The following SAMSN1 variants were observed in gnomAD, a reference collection of about 807,000 sequenced individuals.
SAMSN1 encodes the protein SAM domain, SH3 domain and nuclear localization signals 1, also known as SAM domain-containing protein SAMSN-1.
SAMSN1 carries 31 observed loss-of-function variants against 42.0 expected under a neutral mutation model. That is an observed-to-expected ratio of 0.74 (90% CI 0.55 to 1.00). The LOEUF (loss-of-function observed/expected upper bound fraction) is 1.00. Among genes scored for constraint, SAMSN1 ranks in the 50% least tolerant of loss-of-function variants. The probability of loss-of-function intolerance (pLI) is 0.00; values close to 1 mark genes in which losing one functional copy is unlikely to be tolerated. For missense variants in SAMSN1, 464 were observed against 439.4 expected, an observed-to-expected ratio of 1.06 and a Z score of -0.50; for synonymous variants, 178 against 151.9, an observed-to-expected ratio of 1.17 and a Z score of -1.26.
chr21:14,519,324 G>A (rs1333274626), intron 2 of SAMSN1, among the ~76,000 whole-genome samples: 1 of 152,020 alleles, frequency 6.6e-6, no homozygotes, highest in Admixed American at 6.5e-5. Flanking sequence ...CAAATTACTA[G>A]GCCACCATTA....
chr21:14,597,654 T>A (rs545320492), intron 6 of SAMSN1, among the ~76,000 whole-genome samples: 4 of 152,126 alleles, frequency 2.6e-5, no homozygotes, highest in Non-Finnish European at 5.9e-5. Flanking sequence ...TAACCAACAG[T>A]GGTGGCTTAA....
At chr21:14,637,636 A>T (rs1006247949) in intron 2 of SAMSN1, among the ~76,000 whole-genome samples, 2 of 152,160 alleles carry the variant, frequency 1.3e-5, no homozygotes, top group Non-Finnish European at 2.9e-5. Context: ...TTTGTGTATC[A>T]ACTCCCTTGT....
At chr21:14,557,492 T>C (rs1441716185) in intron 2 of SAMSN1, among the ~76,000 whole-genome samples, 1 of 152,198 alleles carries the variant, frequency 6.6e-6, no homozygotes, top group Non-Finnish European at 1.5e-5. Context: ...CCTGGGAACA[T>C]GTTCAACCCC....
chr21:14,650,901 T>C (rs1369599418), intron 1 of SAMSN1, among the ~76,000 whole-genome samples: 4 of 151,902 alleles, frequency 2.6e-5, no homozygotes, highest in African/African-American at 4.8e-5. Context: ...TGAGCAACTA[T>C]ATACCAATAT....
At chr21:14,593,302 A>G (rs1223776795) in intron 7 of SAMSN1, among the ~76,000 whole-genome samples, 2 of 152,104 alleles carry the variant, frequency 1.3e-5, no homozygotes, top group African/African-American at 2.4e-5. Context: ...TAAGTTGCAA[A>G]CATTAGCTTG....
At chr21:14,555,095 G>T (rs1980720081) in intron 2 of SAMSN1, among the ~76,000 whole-genome samples, 1 of 152,142 alleles carries the variant, frequency 6.6e-6, no homozygotes, top group Admixed American at 6.6e-5. Flanking sequence ...TCCATGCCCT[G>T]CTGGGCTGTG....
At chr21:14,609,793 T>G (rs1171176863) in intron 4 of SAMSN1, among the ~76,000 whole-genome samples, 1 of 152,190 alleles carries the variant, frequency 6.6e-6, no homozygotes, top group Non-Finnish European at 1.5e-5. Flanking sequence ...TCATGGACAT[T>G]TATTAGTTCC....
At chr21:14,625,397 A>G (rs995974813) in intron 2 of SAMSN1, among the ~76,000 whole-genome samples, 7 of 152,218 alleles carry the variant, frequency 4.6e-5, no homozygotes, top group Non-Finnish European at 8.8e-5. Flanking sequence ...TCAGCCCTAA[A>G]TCTCCTTAAG....
intron 1 of SAMSN1, among the ~76,000 whole-genome samples, chr21:14,648,752 T>C (rs532860143): frequency 0.017 from 2,579 of 151,708 alleles, 55 homozygotes; most frequent in African/African-American, 0.059. Flanking sequence ...ATGGCGATCA[T>C]TAAAAAGTCA....
At chr21:14,555,944 G>C (rs934900547) in intron 2 of SAMSN1, among the ~76,000 whole-genome samples, 1 of 152,040 alleles carries the variant, frequency 6.6e-6, no homozygotes, top group Non-Finnish European at 1.5e-5. Context: ...TATTAAAATT[G>C]CCTGCTTAAT....
chr21:14,611,705 G>T (rs1329766916), intron 4 of SAMSN1, among the ~76,000 whole-genome samples: 1 of 152,188 alleles, frequency 6.6e-6, no homozygotes, highest in East Asian at 1.9e-4. Context: ...GCAGGACCCT[G>T]ATAGGATCCA....
intron 2 of SAMSN1, among the ~76,000 whole-genome samples, chr21:14,625,926 C>T (rs1475452033): frequency 6.6e-6 from 1 of 152,172 alleles, no homozygotes; most frequent in East Asian, 1.9e-4. Flanking sequence ...GGTACTAAAA[C>T]AGAGATATAG....
intron 7 of SAMSN1, chr21:14,591,492 CT>C (rs1982081837): frequency 6.6e-6 from 1 of 152,142 alleles, no homozygotes; most frequent in African/African-American, 2.4e-5. Flanking sequence ...GGTTCTAGTA[CT>C]GTTTTACACA....
At chr21:14,586,254 C>T (rs1358932356), upstream of SAMSN1, among the ~76,000 whole-genome samples, 1 of 111,602 alleles carries the variant, frequency 9.0e-6, no homozygotes, top group East Asian at 2.5e-4. Flanking sequence ...CAGAACGAGA[C>T]TCCATCTCAA....
At chr21:14,599,684 C>T (rs1002185444) in intron 6 of SAMSN1, among the ~76,000 whole-genome samples, 113 of 152,238 alleles carry the variant, frequency 7.4e-4, no homozygotes, top group African/African-American at 2.1e-3. Context: ...CTCTCCCTGC[C>T]TTGCTTCCTC....
chr21:14,561,168 C>G (rs944053432), intron 2 of SAMSN1, among the ~76,000 whole-genome samples: 14 of 152,264 alleles, frequency 9.2e-5, no homozygotes, highest in Middle Eastern at 3.4e-3. Context: ...CACCCAGACT[C>G]ATGACTCAAC....
chr21:14,546,283 G>GT lies in SAMSN1; in HGVS notation c.-23dup. The stretch of plus-strand genomic sequence containing the variant: ...GCATTTTGAATTCTGACTACTCCTA[G>GT]TGAGTGCACTTTCTGCTGTTACAGA... On this transcript the variant is annotated 5_prime_UTR_variant, in exon 1 of 8. Coordinates refer to ENST00000400566, the MANE Select transcript of SAMSN1 (RefSeq NM_022136.5). 1 of 1,612,704 alleles carries GT rather than the reference G, an allele frequency of 6.2e-7. No individual in the cohort carries two copies. The highest frequency in any genetic ancestry group is 1.1e-5 in the South Asian group (1 of 91,000).
chr21:14,647,304 G>A (rs913359069), intron 1 of SAMSN1, among the ~76,000 whole-genome samples: 6 of 151,458 alleles, frequency 4.0e-5, no homozygotes, highest in Admixed American at 1.3e-4. Context: ...GTAGATATGC[G>A]ACATTATTTC....
intron 6 of SAMSN1, chr21:14,597,863 A>C (rs991709973): frequency 2.0e-5 from 3 of 152,140 alleles, no homozygotes; most frequent in African/African-American, 7.2e-5. Context: ...CCAGGCAGGA[A>C]AGAGAGCAAA....
Sources: gnomAD v4.1 joint callset for allele counts (sites outside exome capture counted in the v4.1 genomes callset) on GRCh38, gnomAD v4.1.1 for gene constraint, MANE v1.5 for transcripts, NCBI Gene and HGNC (gene_info 2026-07-23, HGNC 2026-07-21) for gene names.